AMY2B: variants seen among roughly 807,000 people sequenced by gnomAD.
AMY2B encodes alpha-amylase 2B.
AMY2B carries 63 observed loss-of-function variants against 59.3 expected under a neutral mutation model. The observed-to-expected ratio is 1.06, with a 90% CI of 0.87 to 1.31. AMY2B has a LOEUF of 1.31. Among genes scored for constraint, AMY2B ranks in the 50% most tolerant of loss-of-function variants. The pLI is 0.00. For synonymous variants in AMY2B, 180 were observed against 198.1 expected (o/e 0.91, Z 0.77); for missense variants, 635 against 626.7 (o/e 1.01, Z -0.14).
chr1:103,565,013 C>T (rs1651859336), intron 1 of AMY2B: 1 of 152,116 alleles, frequency 6.6e-6, no homozygotes, highest in South Asian at 2.1e-4. Context: ...GATTAACCAC[C>T]ATTTTCTGTA....
chr1:103,573,028 G>A (rs374437847), intron 2 of AMY2B, 35 bp from the exon 3 acceptor site: 1 of 1,612,392 alleles, frequency 6.2e-7, no homozygotes, highest in Non-Finnish European at 8.5e-7. Flanking sequence ...CTGCCTCTCT[G>A]TAAGTCACAC....
Position 103,579,333 on chromosome 1 carries a change from A to G in AMY2B, c.1369A>G (p.Thr457Ala). 1 of 1,611,754 alleles carries G rather than the reference A, an allele frequency of 6.2e-7. No individual in the cohort carries two copies. The highest frequency in any genetic ancestry group is 8.5e-7 in the Non-Finnish European group (1 of 1,179,702). Residue 457 changes from threonine to alanine, a missense_variant, in exon 10 of 10, where the codon ACT becomes GCT. By Grantham distance (58) the Thr-to-Ala change is moderately conservative (BLOSUM62 0). Transcript: ENST00000684275. ...CAGGACATTTTCTTTAACTTTGCAA[A>G]CTGGTCTTCCTGCTGGCACATACTG... ...DDWTFSLTLQ[T>A]GLPAGTYCDV...
At chr1:103,574,121 CAAAA>C in intron 4 of AMY2B, 135 bp from the exon 5 acceptor site, 1 of 1,474,838 alleles carries the variant, frequency 6.8e-7, no homozygotes, top group Non-Finnish European at 9.0e-7. Context: ...CAAAACAAGA[CAAAA>C]AGAAATAATA....
chr1:103,571,134 G>T, upstream of AMY2B: 1 of 967,584 alleles, frequency 1.0e-6, no homozygotes, highest in Non-Finnish European at 1.3e-6. Flanking sequence ...CAAGCCATAG[G>T]ACCCAGTTTC....
upstream of AMY2B, among the ~76,000 whole-genome samples, chr1:103,567,283 A>C (rs1361874385): frequency 6.6e-6 from 1 of 152,050 alleles, no homozygotes; most frequent in Non-Finnish European, 1.5e-5. Flanking sequence ...ATTTCATATA[A>C]AATATGAGGA....
At chr1:103,571,484 A>T, upstream of AMY2B, 8 of 1,561,460 alleles carry the variant, frequency 5.1e-6, no homozygotes, top group Non-Finnish European at 7.0e-6. Context: ...TCCTTTTCAG[A>T]TTATGAGTAA....
intron 5 of AMY2B, among the ~76,000 whole-genome samples, 160 bp from the exon 6 acceptor site, chr1:103,575,063 T>C (rs1402559297): frequency 7.3e-5 from 1 of 13,720 alleles, no homozygotes; most frequent in East Asian, 1.7e-3. Context: ...TGTGTATGTA[T>C]ATATATATAT....
At chr1:103,570,560 C>T (rs141667811), upstream of AMY2B, 4 of 602,482 alleles carry the variant, frequency 6.6e-6, no homozygotes, top group East Asian at 4.1e-5. Flanking sequence ...ACAAGTACTC[C>T]GTGTGGATCA....
chr1:103,575,537 A>G lies in AMY2B; in HGVS notation c.1098A>G (p.Gly366=). 1 of 1,613,660 alleles carries G rather than the reference A, an allele frequency of 6.2e-7. No homozygotes were observed. Among genetic ancestry groups the G allele is most frequent in the Non-Finnish European group, 8.5e-7 (1 of 1,179,774 alleles). The change falls in exon 7 of 10, where the codon GGA becomes GGG. Residue 366 remains glycine, a synonymous_variant. Transcript: ENST00000684275. ...SYRWPRQFQN[G]NDVNDWVGPP... is the part of the protein sequence containing the mutation. ...GTTGGCCAAGACAGTTTCAAAATGG[A>G]AACGTAAGTTTTGAAATTGTTCAAA...
intron 7 of AMY2B, among the ~76,000 whole-genome samples, chr1:103,576,705 CTAAT>C (rs1354429656): frequency 1.3e-5 from 2 of 152,080 alleles, no homozygotes; most frequent in African/African-American, 4.8e-5. Flanking sequence ...ATGATGGACT[CTAAT>C]ATTTATTGAG....
At chr1:103,555,560 G>A (rs529108863) in intron 1 of AMY2B, among the ~76,000 whole-genome samples, 195 of 152,146 alleles carry the variant, frequency 1.3e-3, no homozygotes, top group Admixed American at 2.3e-3. Context: ...CTGTCAGAAC[G>A]TCACTCAAAG....
chr1:103,574,246 T>C lies in AMY2B; in HGVS notation c.745-14T>C, dbSNP rs1652255377. The C allele has an allele frequency of 1.9e-6, 3 of 1,611,778 alleles. No individual in the cohort carries two copies. The highest frequency in any genetic ancestry group is 2.7e-5 in the African/African-American group (2 of 74,980). Reference sequence around the variant, plus strand: ...CCTTATGCAAAATGTTACTTTTTCCTAATTTTCTACTAGGTAATTGATCTG... The same window carrying C: ...CCTTATGCAAAATGTTACTTTTTCCCAATTTTCTACTAGGTAATTGATCTG... On this transcript the variant is annotated splice_polypyrimidine_tract_variant and intron_variant, in intron 4 of 9. Transcript: ENST00000684275.
chr1:103,557,109 C>A (rs1304151357), intron 1 of AMY2B, among the ~76,000 whole-genome samples: 1 of 151,888 alleles, frequency 6.6e-6, no homozygotes, highest in Non-Finnish European at 1.5e-5. Context: ...TATAGAGCGT[C>A]CATTTAAAAG....
chr1:103,575,494 G>A lies in AMY2B; in HGVS notation c.1055G>A (p.Arg352Gln), dbSNP rs568943580. Residue 352 changes from arginine to glutamine, a missense_variant, in exon 7 of 10, where the codon CGA becomes CAA. By Grantham distance (43) the Arg-to-Gln change is conservative. Coordinates refer to ENST00000684275, the MANE Select transcript of AMY2B (RefSeq NM_001387437.1). ...CTTGCTCATCCTTATGGTTTTACACGAGTAATGTCAAGCTACCGTTGGCCA... is the reference window on the plus strand; with the variant it reads ...CTTGCTCATCCTTATGGTTTTACACAAGTAATGTCAAGCTACCGTTGGCCA... ...FMLAHPYGFTRVMSSYRWPRQ... is the reference protein window; with the variant it reads ...FMLAHPYGFTQVMSSYRWPRQ... 1.7e-5 allele frequency: 28 copies of A among 1,613,650 alleles called. No homozygotes were observed. The highest frequency in any genetic ancestry group is 5.0e-5 in the Admixed American group (3 of 59,958).
At chr1:103,561,139 T>G (rs1008158378) in intron 1 of AMY2B, among the ~76,000 whole-genome samples, 2 of 152,220 alleles carry the variant, frequency 1.3e-5, no homozygotes, top group Non-Finnish European at 2.9e-5. Flanking sequence ...ATCAACAATA[T>G]CTTCATTTCC....
At chr1:103,562,772 T>C (rs577735797) in intron 1 of AMY2B, among the ~76,000 whole-genome samples, 1 of 151,218 alleles carries the variant, frequency 6.6e-6, no homozygotes, top group African/African-American at 2.4e-5. Context: ...GGGAAAGAAC[T>C]TGTAAATAAC....
chr1:103,567,896 A>C (rs550003875), upstream of AMY2B, among the ~76,000 whole-genome samples: 2 of 151,958 alleles, frequency 1.3e-5, no homozygotes, highest in Non-Finnish European at 2.9e-5. Context: ...TCTTTCCTCT[A>C]TCTGTTGCTC....
chr1:103,571,901 A>G, intron 1 of AMY2B, 131 bp downstream of exon 1: 3 of 1,584,176 alleles, frequency 1.9e-6, no homozygotes, highest in Middle Eastern at 2.3e-4. Flanking sequence ...TTTTCTGAGG[A>G]AAAAACAATG....
At chr1:103,577,394 A>G in intron 7 of AMY2B, 96 bp from the exon 8 acceptor site, 1 of 1,594,180 alleles carries the variant, frequency 6.3e-7, no homozygotes, top group Non-Finnish European at 8.6e-7. Context: ...TTGAATGCAG[A>G]GACACAAGTA....
Sources: allele counts gnomAD v4.1 joint callset (sites outside exome capture counted in the v4.1 genomes callset), GRCh38; gene constraint gnomAD v4.1.1; transcripts MANE v1.5; gene names NCBI Gene and HGNC (gene_info 2026-07-23, HGNC 2026-07-21).